The following CADPS variants were observed in gnomAD, a reference collection of about 807,000 sequenced individuals.
CADPS encodes calcium-dependent secretion activator 1.
Under a neutral mutation model 167.3 loss-of-function variants are expected in CADPS, and 57 were observed. The observed-to-expected ratio is 0.34, with a 90% CI of 0.28 to 0.42. The LOEUF is 0.42. Ranked by LOEUF, CADPS falls within the 20% of genes least tolerant of loss-of-function variation. CADPS has a pLI of 1.00. For synonymous variants in CADPS, 676 were observed against 635.3 expected, an observed-to-expected ratio of 1.06 and a Z score of -0.96; for missense variants, 1,414 against 1,738.1, an observed-to-expected ratio of 0.81 and a Z score of 3.32.
intron 3 of CADPS, among the ~76,000 whole-genome samples, chr3:62,725,825 A>G (rs2076650699): frequency 6.6e-6 from 1 of 151,878 alleles, no homozygotes; most frequent in Non-Finnish European, 1.5e-5. Context: ...AACATTTATC[A>G]TGGCATTCTA....
At chr3:62,723,806 C>T (rs1328840598) in intron 3 of CADPS, among the ~76,000 whole-genome samples, 2 of 152,236 alleles carry the variant, frequency 1.3e-5, no homozygotes, top group African/African-American at 4.8e-5. Context: ...TGACACTTTG[C>T]TGGCTTCCTC....
At chr3:62,422,638 G>A (rs1330724254) in intron 28 of CADPS, among the ~76,000 whole-genome samples, 4 of 152,052 alleles carry the variant, frequency 2.6e-5, no homozygotes, top group African/African-American at 7.2e-5. Flanking sequence ...TCACATTGCT[G>A]ACATCTTAGG....
intron 1 of CADPS, among the ~76,000 whole-genome samples, chr3:62,782,591 T>C (rs1576345136): frequency 6.6e-6 from 1 of 152,154 alleles, no homozygotes. Context: ...GATTTGGCCA[T>C]GAATGATGGT....
intron 4 of CADPS, among the ~76,000 whole-genome samples, chr3:62,661,800 T>C (rs1161670000): frequency 6.6e-6 from 1 of 151,980 alleles, no homozygotes; most frequent in Admixed American, 6.6e-5. Flanking sequence ...TGGAAAACAG[T>C]CAAGAGATCT....
At chr3:62,519,783 C>CA (rs2069990291) in intron 13 of CADPS, among the ~76,000 whole-genome samples, 1 of 149,438 alleles carries the variant, frequency 6.7e-6, no homozygotes, top group Non-Finnish European at 1.5e-5. Flanking sequence ...CCATGCTTAA[C>CA]AAAAACAAAT....
chr3:62,736,995 T>C (rs2079104479), intron 3 of CADPS, among the ~76,000 whole-genome samples: 1 of 151,712 alleles, frequency 6.6e-6, no homozygotes, highest in Non-Finnish European at 1.5e-5. Context: ...AAAAATTAGC[T>C]GGGCATGGTG....
chr3:62,830,864 A>G (rs1024698794), intron 1 of CADPS, among the ~76,000 whole-genome samples: 3 of 152,186 alleles, frequency 2.0e-5, no homozygotes, highest in African/African-American at 7.2e-5. Context: ...TCTTTTTACA[A>G]GTGGATATGT....
chr3:62,602,000 G>A lies in CADPS; in HGVS notation c.1326-9252C>T, dbSNP rs1054250885. Among the ~76,000 whole-genome samples, 16 of 152,168 alleles carry A rather than the reference G, an allele frequency of 1.1e-4. No homozygotes were observed. The highest frequency in any genetic ancestry group is 2.1e-4 in the South Asian group (1 of 4,822). On this transcript the variant is annotated intron_variant, in intron 6 of 29. Coordinates refer to ENST00000383710, the MANE Select transcript of CADPS (RefSeq NM_003716.4). This position sits in a 1 kb window ranked among gnomAD's most constrained non-coding sequence, Gnocchi z 4.3. ...TTACTATTTAAAGCCTCTTATTTGC[G>A]GAAGCCTCCTCAGACCATATGTTAT... is the stretch of plus-strand genomic sequence containing the variant.
chr3:62,827,537 C>T (rs2074288402), intron 1 of CADPS, among the ~76,000 whole-genome samples: 1 of 152,122 alleles, frequency 6.6e-6, no homozygotes, highest in Admixed American at 6.6e-5. Flanking sequence ...AAATGAGATG[C>T]CTTTGGTCTC....
At chr3:62,451,385 A>T (rs1363061766) in intron 26 of CADPS, among the ~76,000 whole-genome samples, 3 of 151,882 alleles carry the variant, frequency 2.0e-5, no homozygotes, top group African/African-American at 7.3e-5. Flanking sequence ...AGGGGCTTAA[A>T]CCACTTCTTT....
intron 1 of CADPS, among the ~76,000 whole-genome samples, chr3:62,845,059 T>C (rs1173502758): frequency 6.6e-6 from 1 of 152,212 alleles, no homozygotes; most frequent in Non-Finnish European, 1.5e-5. Flanking sequence ...GCTCTACCTT[T>C]AGCTCCACTG....
At chr3:62,793,468 T>G (rs2093129328) in intron 1 of CADPS, among the ~76,000 whole-genome samples, 1 of 152,180 alleles carries the variant, frequency 6.6e-6, no homozygotes, top group African/African-American at 2.4e-5. Context: ...GATCACTCCA[T>G]TAAGCATCAT....
rs150124436 is a variant in CADPS at position 62,455,090 on chromosome 3, G to A, written c.3637-9293C>T. Among the ~76,000 whole-genome samples the A allele has an allele frequency of 2.0e-3, 309 of 151,914 alleles. 1 individual carries two copies. Among genetic ancestry groups the A allele is most frequent in the Non-Finnish European group, 3.5e-3 (240 of 67,962 alleles). ...CCTGTTGTTCAGGGTACTGTGCTCC[G>A]AGACTAGATCCAGGAAGTGTATGTT... is the stretch of plus-strand genomic sequence containing the variant. On this transcript the variant is annotated intron_variant, in intron 26 of 29. Transcript: ENST00000383710. This position sits in a 1 kb window ranked among gnomAD's most constrained non-coding sequence, Gnocchi z 4.4.
At chr3:62,529,820 G>A (rs114129287) in intron 13 of CADPS, among the ~76,000 whole-genome samples, 8 of 152,212 alleles carry the variant, frequency 5.3e-5, no homozygotes, top group South Asian at 2.1e-4. Flanking sequence ...CAGCATACAC[G>A]CTTGAGAATT....
rs746190980 is a variant in CADPS, at chr3:62,466,382, A to G, written c.3509T>C (p.Ile1170Thr). ...TATCATTTCTTTAACAGTTTCTTCAATTAGTTCGTCTATTTTTGAATGGTA... is the reference window on the plus strand; with the variant it reads ...TATCATTTCTTTAACAGTTTCTTCAGTTAGTTCGTCTATTTTTGAATGGTA... Reference protein sequence around the residue: ...HQYHSKIDELIEETVKEMITL... With the variant: ...HQYHSKIDELTEETVKEMITL... Residue 1170 changes from isoleucine (I) to threonine (T), a missense_variant, in exon 25 of 30, where the codon ATT becomes ACT. This residue lies in a region of CADPS where 185 missense variants were observed against 251.5 expected (regional missense o/e 0.74). Coordinates refer to ENST00000383710, the MANE Select transcript of CADPS (RefSeq NM_003716.4). The G allele has an allele frequency of 6.2e-7, 1 of 1,611,930 alleles. No individual in the cohort carries two copies. Among genetic ancestry groups the G allele is most frequent in the Non-Finnish European group, 8.5e-7 (1 of 1,178,206 alleles).
intron 9 of CADPS, among the ~76,000 whole-genome samples, chr3:62,563,303 T>C (rs557833944): frequency 6.6e-6 from 1 of 152,332 alleles, no homozygotes; most frequent in East Asian, 1.9e-4. Context: ...TGTCTTACAA[T>C]TCATTTTTGT....
chr3:62,695,637 C>T (rs2080123061), intron 3 of CADPS, among the ~76,000 whole-genome samples: 1 of 152,040 alleles, frequency 6.6e-6, no homozygotes, highest in Non-Finnish European at 1.5e-5. Context: ...TCACTAAAAC[C>T]TAATTTGCCA....
At chr3:62,595,960 A>G (rs2058851749) in intron 6 of CADPS, among the ~76,000 whole-genome samples, 1 of 151,704 alleles carries the variant, frequency 6.6e-6, no homozygotes, top group African/African-American at 2.4e-5. Context: ...CAAACATTGG[A>G]CTCCAAGTTC....
chr3:62,632,897 G>T (rs1397882678), intron 6 of CADPS, among the ~76,000 whole-genome samples: 1 of 152,050 alleles, frequency 6.6e-6, no homozygotes, highest in Non-Finnish European at 1.5e-5. Context: ...ATCCTTATGG[G>T]AATAAAACGG....
Sources: gnomAD v4.1 joint callset for allele counts (sites outside exome capture counted in the v4.1 genomes callset) on GRCh38, gnomAD v4.1.1 for gene constraint, gnomAD v4.1.1 regional missense constraint, Gnocchi (gnomAD v3.1) non-coding constraint, MANE v1.5 for transcripts, NCBI Gene and HGNC (gene_info 2026-07-23, HGNC 2026-07-21) for gene names.